Variants in NFATC1 observed in about 807,000 individuals in gnomAD.
NFATC1 encodes nuclear factor of activated T cells 1.
A neutral mutation model predicts 76.0 loss-of-function variants in NFATC1; 22 were observed. The observed-to-expected ratio is 0.29, with a 90% CI of 0.21 to 0.41. The LOEUF (loss-of-function observed/expected upper bound fraction) is 0.41. NFATC1 is among the 10% of genes least tolerant of loss of function. NFATC1 has a pLI of 1.00. For missense variants in NFATC1, 1,357 were observed against 1,337.7 expected (o/e 1.01, Z -0.23); for synonymous variants, 704 against 613.1 (o/e 1.15, Z -2.19).
intron 1 of NFATC1, among the ~76,000 whole-genome samples, chr18:79,398,982 G>A (rs1326977440): frequency 6.6e-6 from 1 of 152,234 alleles, no homozygotes; most frequent in African/African-American, 2.4e-5. Flanking sequence ...CAGGAGAATC[G>A]CTTGAACTCG....
At chr18:79,467,081 G>T (rs1263217927) in intron 7 of NFATC1, among the ~76,000 whole-genome samples, 1 of 152,244 alleles carries the variant, frequency 6.6e-6, no homozygotes, top group African/African-American at 2.4e-5. Flanking sequence ...ATATTGACAA[G>T]ATTTCAGTCT....
chr18:79,449,090 G>C, intron 4 of NFATC1, 106 bp downstream of exon 4: 1 of 1,114,956 alleles, frequency 9.0e-7, no homozygotes, highest in Non-Finnish European at 1.3e-6. Context: ...TCCAGGCTGC[G>C]TGGCCAGGAC....
intron 7 of NFATC1, 103 bp downstream of exon 7, chr18:79,461,469 G>T (rs551738858): frequency 3.0e-5 from 32 of 1,078,882 alleles, no homozygotes; most frequent in Non-Finnish European, 4.3e-5. Context: ...GGAGGCTGGG[G>T]TTCCTGTTTC....
chr18:79,510,171 T>TC (rs2090209951), intron 9 of NFATC1, among the ~76,000 whole-genome samples: 1 of 152,214 alleles, frequency 6.6e-6, no homozygotes, highest in Non-Finnish European at 1.5e-5. Flanking sequence ...GCGAGCAGGT[T>TC]CCCGGGCCGT....
At chr18:79,413,000 A>G (rs2085750060) in intron 2 of NFATC1, among the ~76,000 whole-genome samples, 1 of 152,222 alleles carries the variant, frequency 6.6e-6, no homozygotes, top group Non-Finnish European at 1.5e-5. Context: ...AGTTGGAGGC[A>G]TTGGGAAAAT....
At chr18:79,464,669 T>TGTAC (rs2088347337) in intron 7 of NFATC1, among the ~76,000 whole-genome samples, 1 of 122,252 alleles carries the variant, frequency 8.2e-6, no homozygotes, top group African/African-American at 3.7e-5. Context: ...TGTGTGTGTG[T>TGTAC]GTATATGTAT....
chr18:79,462,551 G>A (rs571423244), intron 7 of NFATC1, among the ~76,000 whole-genome samples: 1 of 152,072 alleles, frequency 6.6e-6, no homozygotes, highest in Non-Finnish European at 1.5e-5. Context: ...TGATCCGCCC[G>A]CCTCGGCCTC....
chr18:79,448,713 CTGCGTT>C (rs1443196167), intron 3 of NFATC1, 63 bp from the exon 4 acceptor site: 32 of 1,527,108 alleles, frequency 2.1e-5, no homozygotes, highest in Middle Eastern at 3.7e-4. Context: ...CAGGTTTTCT[CTGCGTT>C]CCGGTGACTC....
chr18:79,448,725 G>A, intron 3 of NFATC1, 57 bp from the exon 4 acceptor site: 2 of 1,559,836 alleles, frequency 1.3e-6, no homozygotes, highest in Non-Finnish European at 8.7e-7. Context: ...GCGTTCCGGT[G>A]ACTCCCGGCG....
At chr18:79,480,717 C>G (rs537375116) in intron 8 of NFATC1, among the ~76,000 whole-genome samples, 1 of 152,212 alleles carries the variant, frequency 6.6e-6, no homozygotes, top group South Asian at 2.1e-4. Context: ...CGGGCATAGC[C>G]GGCCTTGGCC....
At chr18:79,430,789 C>T (rs929333031) in intron 2 of NFATC1, among the ~76,000 whole-genome samples, 2 of 151,692 alleles carry the variant, frequency 1.3e-5, no homozygotes, top group Non-Finnish European at 3.0e-5. Context: ...TGTTTGGTGC[C>T]TGCCTGTCCA....
intron 9 of NFATC1, among the ~76,000 whole-genome samples, chr18:79,490,400 C>T (rs942908782): frequency 2.0e-5 from 3 of 149,282 alleles, no homozygotes; most frequent in Admixed American, 6.6e-5. Flanking sequence ...GGGGGTGTTC[C>T]CTGGTGCAGG....
chr18:79,449,847 TGGC>T (rs1158810749), intron 4 of NFATC1, among the ~76,000 whole-genome samples: 1 of 151,962 alleles, frequency 6.6e-6, no homozygotes, highest in Non-Finnish European at 1.5e-5. Flanking sequence ...GTGTAGGAGA[TGGC>T]GGCGGGGGGC....
At chr18:79,409,563 C>T (rs543875036) in intron 1 of NFATC1, among the ~76,000 whole-genome samples, 22 of 152,288 alleles carry the variant, frequency 1.4e-4, no homozygotes, top group African/African-American at 4.8e-4. Flanking sequence ...CATAATCCAT[C>T]TCTTTATCCC....
At chr18:79,423,153 G>T (rs1455167858) in intron 2 of NFATC1, among the ~76,000 whole-genome samples, 3 of 152,042 alleles carry the variant, frequency 2.0e-5, no homozygotes, top group Admixed American at 6.6e-5. Flanking sequence ...ACAGGGAAGG[G>T]TCTGTGTCCT....
intron 1 of NFATC1, chr18:79,400,358 C>A: frequency 7.4e-7 from 1 of 1,358,334 alleles, no homozygotes; most frequent in Non-Finnish European, 9.5e-7. Flanking sequence ...CGGCCGCGAC[C>A]CCGGCTCCCG....
At chr18:79,414,276 T>G (rs530405276) in intron 2 of NFATC1, among the ~76,000 whole-genome samples, 31 of 152,316 alleles carry the variant, frequency 2.0e-4, no homozygotes, top group African/African-American at 7.5e-4. Flanking sequence ...AAAGCTGTAT[T>G]TTTAATGATC....
intron 3 of NFATC1, among the ~76,000 whole-genome samples, chr18:79,445,259 G>C (rs2087157392): frequency 6.6e-6 from 1 of 152,258 alleles, no homozygotes. Context: ...CTGTGGGTAA[G>C]GTGGGCCTCG....
chr18:79,419,888 G>C (rs190084262), intron 2 of NFATC1, among the ~76,000 whole-genome samples: 1 of 152,346 alleles, frequency 6.6e-6, no homozygotes, highest in African/African-American at 2.4e-5. Flanking sequence ...TTCAAAACCA[G>C]ATCTTAAGTG....
Sources: allele counts gnomAD v4.1 joint callset (sites outside exome capture counted in the v4.1 genomes callset), GRCh38; gene constraint gnomAD v4.1.1; transcripts MANE v1.5; gene names NCBI Gene and HGNC (gene_info 2026-07-23, HGNC 2026-07-21).